The following SYNE2 variants were observed in gnomAD, a reference collection of about 807,000 sequenced individuals.
The protein encoded by SYNE2 is spectrin repeat containing nuclear envelope protein 2, also known as nesprin-2.
A neutral mutation model predicts 856.3 loss-of-function variants in SYNE2; 431 were observed. The observed-to-expected ratio is 0.50, with a 90% CI of 0.47 to 0.55. SYNE2 has a LOEUF of 0.55. SYNE2 is among the 20% of genes least tolerant of loss of function. The probability of loss-of-function intolerance (pLI) is 0.00; values close to 1 mark genes in which losing one functional copy is unlikely to be tolerated. For synonymous variants in SYNE2, 2,923 were observed against 2,872.3 expected (o/e 1.02, Z -0.56); for missense variants, 8,129 against 8,023.2 (o/e 1.01, Z -0.50).
chr14:64,223,322 AACTC>A lies in SYNE2; in HGVS notation c.20326_20329del (p.Leu6776AsnfsTer11). 1 of 1,614,212 alleles carries A rather than the reference AACTC, an allele frequency of 6.2e-7. No individual in the cohort carries two copies. On this transcript the variant is annotated frameshift_variant, in exon 113 of 116. Transcript: ENST00000555002. LOFTEE classifies it high-confidence loss of function. ...GAAAAGGTGCATGTTATTGAGAAGA[AACTC>A]AAACAGTTACGGGAGCAAGTGTCCC...
Position 63,940,413 on chromosome 14 carries a change from G to T in SYNE2, c.80-201G>T, listed in dbSNP as rs116312589. ...CCATTGTCTCGTCAACAAACCCATGGTTTTAAAAAAATATCGTATCAACAT... is the reference window on the plus strand; with the variant it reads ...CCATTGTCTCGTCAACAAACCCATGTTTTTAAAAAAATATCGTATCAACAT... On this transcript the variant is annotated intron_variant, in intron 2 of 115. Transcript: ENST00000555002. Among the ~76,000 whole-genome samples, 1,511 of 151,986 alleles carry T rather than the reference G, an allele frequency of 9.9e-3. 29 individuals are homozygous for T. The highest frequency in any genetic ancestry group is 0.034 in the African/African-American group (1,426 of 41,458).
rs571979561 is a variant in SYNE2, at chr14:63,839,369, T to TA, written c.-304-13131dup. Among the ~76,000 whole-genome samples the TA allele has an allele frequency of 2.0e-3, 302 of 152,294 alleles. 2 individuals are homozygous for TA. Among genetic ancestry groups the TA allele is most frequent in the African/African-American group, 6.9e-3 (285 of 41,578 alleles). Reference sequence around the variant, plus strand: ...TTGCCAGTCTAACGGGTAAAAACGTTACCTCACTATGGCCCTCATTTAAAT... The same window carrying TA: ...TTGCCAGTCTAACGGGTAAAAACGTTAACCTCACTATGGCCCTCATTTAAAT... On this transcript the variant is annotated intron_variant, in intron 1 of 23. Transcript: ENST00000674003.
chr14:64,032,602 C>G (rs1181783940), intron 45 of SYNE2, among the ~76,000 whole-genome samples: 2 of 94,780 alleles, frequency 2.1e-5, no homozygotes, highest in African/African-American at 4.0e-5. Context: ...GACGGAGTTT[C>G]ACTCTTGTTG....
At chr14:64,157,956 C>CT (rs1278140436) in intron 85 of SYNE2, among the ~76,000 whole-genome samples, 2 of 152,142 alleles carry the variant, frequency 1.3e-5, no homozygotes, top group African/African-American at 4.8e-5. Flanking sequence ...TGTAAGTTTT[C>CT]TTTACATACT....
chr14:63,823,535 A>G (rs1034038870), intron 1 of SYNE2, among the ~76,000 whole-genome samples: 4 of 152,098 alleles, frequency 2.6e-5, no homozygotes, highest in Non-Finnish European at 5.9e-5. Context: ...CTCTCAAAAA[A>G]TAAAAGAGGA....
intron 92 of SYNE2, 118 bp downstream of exon 92, chr14:64,167,757 C>T (rs1430908030): frequency 7.3e-7 from 1 of 1,368,992 alleles, no homozygotes. Flanking sequence ...AGAATGTATA[C>T]CTTTAAGCAA....
chr14:64,161,920 A>G lies in SYNE2; in HGVS notation c.16095-152A>G, dbSNP rs192312158. ...GATTTATTTTTATATAATGGTTTCT[A>G]TAATGGTGATGCCACTAATTTTAAA... On this transcript the variant is annotated intron_variant, in intron 87 of 115. Transcript: ENST00000555002. 1.8e-4 allele frequency: 140 copies of G among 789,496 alleles called. 2 individuals are homozygous for G. The highest frequency in any genetic ancestry group is 1.7e-3 in the Admixed American group (75 of 44,528). The allele number at this position is 789,496 out of a possible 1,614,324, so 48.9% of individuals were successfully genotyped here.
chr14:63,942,124 C>G lies in SYNE2; in HGVS notation c.389C>G (p.Thr130Arg). The G allele has an allele frequency of 6.3e-7, 1 of 1,599,558 alleles. No homozygotes were observed. Among genetic ancestry groups the G allele is most frequent in the East Asian group, 2.2e-5 (1 of 44,782 alleles). The change falls in exon 6 of 116, where the codon ACA becomes AGA. Residue 130 changes from threonine (T) to arginine (R), a missense_variant. Thr to Arg is a moderately conservative substitution (Grantham distance 71). Transcript: ENST00000555002. ...NPSIILGLIW[T>R]IILHFHIEKL... is the part of the protein sequence containing the mutation. Reference sequence around the variant, plus strand: ...TCCATTATCCTTGGCCTAATTTGGACAATTATCCTGCACTTTCATGTAAGT... The same window carrying G: ...TCCATTATCCTTGGCCTAATTTGGAGAATTATCCTGCACTTTCATGTAAGT...
chr14:64,127,784 A>G (rs545857589), intron 73 of SYNE2, among the ~76,000 whole-genome samples: 1 of 152,364 alleles, frequency 6.6e-6, no homozygotes, highest in East Asian at 1.9e-4. Flanking sequence ...GAATCTGACC[A>G]AGCTGCTAGA....
intron 112 of SYNE2, among the ~76,000 whole-genome samples, chr14:64,222,188 A>G (rs1055043392): frequency 1.3e-5 from 2 of 152,340 alleles, no homozygotes; most frequent in East Asian, 1.9e-4. Context: ...TGACATTTTC[A>G]TCCATAAATC....
intron 49 of SYNE2, 55 bp downstream of exon 49, chr14:64,056,321 T>A: frequency 6.9e-7 from 1 of 1,448,226 alleles, no homozygotes; most frequent in Non-Finnish European, 9.5e-7. Context: ...TTTCAAGATA[T>A]AATTAAACTA....
At chr14:63,973,082 C>G (rs1011288441) in intron 11 of SYNE2, among the ~76,000 whole-genome samples, 1 of 151,162 alleles carries the variant, frequency 6.6e-6, no homozygotes, top group Non-Finnish European at 1.5e-5. Context: ...ATGGCACATC[C>G]CTGTCTCTAC....
chr14:63,871,634 G>T (rs1391997543), intron 1 of SYNE2, among the ~76,000 whole-genome samples: 2 of 150,740 alleles, frequency 1.3e-5, no homozygotes, highest in Non-Finnish European at 3.0e-5. Context: ...TTCAGAGACA[G>T]GGTCTCACTG....
At chr14:63,825,748 G>A (rs984791480) in intron 1 of SYNE2, among the ~76,000 whole-genome samples, 19 of 152,036 alleles carry the variant, frequency 1.2e-4, no homozygotes, top group African/African-American at 3.4e-4. Flanking sequence ...GGTGGCGGGC[G>A]CCTGTAATCC....
rs78460212 is a variant in SYNE2 at position 64,119,178 on chromosome 14, C to T, written c.12841-249C>T. The stretch of plus-strand genomic sequence containing the variant: ...ATACATTCTGCTATGTTTTGTAAGG[C>T]GACTATAGAGTCATTTACTTAAATT... On this transcript the variant is annotated intron_variant, in intron 66 of 115. Coordinates refer to ENST00000555002, the MANE Select transcript of SYNE2 (RefSeq NM_182914.3). Among the ~76,000 whole-genome samples the T allele has an allele frequency of 0.069, 10,503 of 152,094 alleles. 1,083 individuals carry two copies. The highest frequency in any genetic ancestry group is 0.23 in the African/African-American group (9,553 of 41,418).
At chr14:63,816,815 CAA>C (rs1338831396) in intron 1 of SYNE2, among the ~76,000 whole-genome samples, 1 of 151,938 alleles carries the variant, frequency 6.6e-6, no homozygotes, top group East Asian at 1.9e-4. Flanking sequence ...CTCCTGAGCT[CAA>C]GAGATCCTCG....
chr14:64,125,065 C>T lies in SYNE2; in HGVS notation c.13423-14C>T. ...CTAAAACTGTCAGTAATAGGGTTTT[C>T]CTTTGTCAAATAGGTTTCCACAAAT... On this transcript the variant is annotated splice_polypyrimidine_tract_variant and intron_variant, in intron 70 of 115. Coordinates refer to ENST00000555002, the MANE Select transcript of SYNE2 (RefSeq NM_182914.3). 1.2e-6 allele frequency: 2 copies of T among 1,613,960 alleles called. No individual in the cohort carries two copies. Among genetic ancestry groups the T allele is most frequent in the Non-Finnish European group, 1.7e-6 (2 of 1,179,918 alleles).
chr14:64,085,802 G>C (rs1008546781), intron 57 of SYNE2, among the ~76,000 whole-genome samples: 1 of 152,116 alleles, frequency 6.6e-6, no homozygotes. Context: ...TTGGTCATTT[G>C]TACACTTCCT....
intron 78 of SYNE2, among the ~76,000 whole-genome samples, chr14:64,136,289 CAAAAAAAA>C (rs34694248): frequency 8.1e-5 from 5 of 62,058 alleles, no homozygotes; most frequent in South Asian, 6.0e-4. Flanking sequence ...GACTTCATCT[CAAAAAAAA>C]AAAAAAAAAA....
Sources: gnomAD v4.1 joint callset for allele counts (sites outside exome capture counted in the v4.1 genomes callset) on GRCh38, gnomAD v4.1.1 for gene constraint, MANE v1.5 for transcripts, NCBI Gene and HGNC (gene_info 2026-07-23, HGNC 2026-07-21) for gene names.